Variants in CA10 observed in about 807,000 individuals in gnomAD.
CA10 encodes the protein carbonic anhydrase-related protein 10.
In CA10, 14 loss-of-function variants were observed where a neutral mutation model predicts 44.2. That is an observed-to-expected ratio of 0.32 (90% confidence interval 0.21 to 0.50). The LOEUF (loss-of-function observed/expected upper bound fraction) is 0.50. Ranked by LOEUF, CA10 falls within the 20% of genes least tolerant of loss-of-function variation. The pLI is 0.99. For synonymous variants in CA10, 159 were observed against 141.6 expected (o/e 1.12, Z -0.87); for missense variants, 350 against 409.7 (o/e 0.85, Z 1.26).
At chr17:51,733,882 A>G (rs1387264034) in intron 4 of CA10, among the ~76,000 whole-genome samples, 3 of 152,190 alleles carry the variant, frequency 2.0e-5, no homozygotes, top group South Asian at 4.1e-4. Flanking sequence ...TTAATTCTAC[A>G]AAGCAAAATG....
intron 3 of CA10, among the ~76,000 whole-genome samples, chr17:51,812,774 C>T (rs2143742561): frequency 6.6e-6 from 1 of 152,326 alleles, no homozygotes; most frequent in African/African-American, 2.4e-5. Context: ...CCCACCTGCT[C>T]TCAGGCTGAT....
chr17:51,675,804 T>C (rs1298240618), intron 4 of CA10, among the ~76,000 whole-genome samples: 1 of 152,108 alleles, frequency 6.6e-6, no homozygotes, highest in Non-Finnish European at 1.5e-5. Context: ...GTACTTGTGG[T>C]TTTTGCCATT....
intron 3 of CA10, among the ~76,000 whole-genome samples, chr17:51,861,009 C>T (rs1384339678): frequency 6.6e-6 from 1 of 152,186 alleles, no homozygotes; most frequent in Non-Finnish European, 1.5e-5. Flanking sequence ...AAATACCTTC[C>T]ATGCCATTTA....
chr17:52,113,008 C>A (rs530554792), intron 1 of CA10, among the ~76,000 whole-genome samples: 4 of 152,292 alleles, frequency 2.6e-5, no homozygotes, highest in African/African-American at 9.6e-5. Context: ...TTTCAAACCT[C>A]CTTCTTCTGT....
At chr17:51,774,214 A>C (rs1354679787) in intron 3 of CA10, among the ~76,000 whole-genome samples, 3 of 152,200 alleles carry the variant, frequency 2.0e-5, no homozygotes, top group African/African-American at 7.2e-5. Flanking sequence ...TTACTTTTTC[A>C]AAAGAGTTCA....
chr17:52,155,099 A>G (rs1989777723), intron 1 of CA10, among the ~76,000 whole-genome samples: 1 of 152,160 alleles, frequency 6.6e-6, no homozygotes, highest in African/African-American at 2.4e-5. Context: ...TCCTTCTGTA[A>G]AGTGTTTAGA....
At chr17:51,976,126 G>A (rs1488631856) in intron 2 of CA10, among the ~76,000 whole-genome samples, 1 of 152,136 alleles carries the variant, frequency 6.6e-6, no homozygotes, top group African/African-American at 2.4e-5. Context: ...AATCTTAAAT[G>A]TGCATTCATT....
intron 3 of CA10, among the ~76,000 whole-genome samples, chr17:51,897,252 T>C (rs1186720284): frequency 6.6e-6 from 1 of 152,138 alleles, no homozygotes; most frequent in African/African-American, 2.4e-5. Context: ...GATTTTTGTA[T>C]ATAAGTGAGG....
intron 3 of CA10, chr17:51,761,961 G>A (rs1905227275): frequency 6.6e-6 from 1 of 152,160 alleles, no homozygotes. Flanking sequence ...CTTTCTAGAA[G>A]CAAGCAACCA....
intron 2 of CA10, among the ~76,000 whole-genome samples, chr17:51,973,036 G>T (rs1649397189): frequency 6.6e-6 from 1 of 152,150 alleles, no homozygotes. Context: ...GCATTCTACA[G>T]GGTCTCAATC....
intron 1 of CA10, among the ~76,000 whole-genome samples, chr17:52,083,629 T>C (rs1484361956): frequency 6.6e-6 from 1 of 152,202 alleles, no homozygotes; most frequent in Non-Finnish European, 1.5e-5. Context: ...TATACATTTA[T>C]AGCTTATAGC....
intron 3 of CA10, among the ~76,000 whole-genome samples, chr17:51,755,461 G>A (rs1285495579): frequency 6.6e-6 from 1 of 152,174 alleles, no homozygotes; most frequent in Non-Finnish European, 1.5e-5. Context: ...TGCTTGATGT[G>A]ACACAAAGAT....
rs182942091 is a variant in CA10, at chr17:51,666,585, C to T, written c.466-12849G>A. On this transcript the variant is annotated intron_variant, in intron 4 of 8. Coordinates refer to ENST00000451037, the MANE Select transcript of CA10 (RefSeq NM_020178.5). ...GCCTGCCAACTTTCCCCTATTCCTG[C>T]CCTTCCAGAGCCTGCCCAGGTTCTT... is the stretch of plus-strand genomic sequence containing the variant. 1.2e-4 allele frequency among the ~76,000 whole-genome samples: 18 copies of T among 152,114 alleles called. No individual in the cohort carries two copies. In the East Asian group the frequency reaches 2.3e-3, roughly 20 times the overall value.
chr17:51,801,138 G>A (rs1417668336), intron 3 of CA10, among the ~76,000 whole-genome samples: 1 of 152,196 alleles, frequency 6.6e-6, no homozygotes, highest in Non-Finnish European at 1.5e-5. Flanking sequence ...GATGTGATGA[G>A]GATAAACAAG....
intron 6 of CA10, among the ~76,000 whole-genome samples, chr17:51,636,772 ATT>A (rs1491164994): frequency 2.5e-3 from 146 of 57,482 alleles, no homozygotes; most frequent in South Asian, 0.01. Flanking sequence ...ACAACTGATT[ATT>A]TTGTGTGTGT....
At chr17:51,803,386 C>T (rs2143723032) in intron 3 of CA10, among the ~76,000 whole-genome samples, 1 of 152,216 alleles carries the variant, frequency 6.6e-6, no homozygotes, top group South Asian at 2.1e-4. Flanking sequence ...TCCTGCATTC[C>T]TACATTCCAG....
intron 2 of CA10, among the ~76,000 whole-genome samples, chr17:52,012,492 AG>A (rs1985830990): frequency 6.6e-6 from 1 of 152,020 alleles, no homozygotes; most frequent in Admixed American, 6.6e-5. Flanking sequence ...TTATATGCAA[AG>A]GTCAAAGTTT....
At chr17:52,140,730 T>C (rs1362829623) in intron 1 of CA10, among the ~76,000 whole-genome samples, 4 of 152,032 alleles carry the variant, frequency 2.6e-5, no homozygotes, top group Admixed American at 2.6e-4. Flanking sequence ...GGACTGGGAG[T>C]CCAGCTCCTG....
rs113026292 is a variant in CA10, at chr17:51,971,130, G to C, written c.137-39998C>G. Among the ~76,000 whole-genome samples, 463 of 152,126 alleles carry C rather than the reference G, an allele frequency of 3.0e-3. 1 individual carries two copies. Among genetic ancestry groups the C allele is most frequent in the African/African-American group, 0.011 (444 of 41,552 alleles). On this transcript the variant is annotated intron_variant, in intron 2 of 8. Coordinates refer to ENST00000451037, the MANE Select transcript of CA10 (RefSeq NM_020178.5). ...TTCCATAAGCTAAAGATCTACAGCT[G>C]TTCATTAATTTCAGACCAACATTTT...
Sources: allele counts gnomAD v4.1 joint callset (sites outside exome capture counted in the v4.1 genomes callset), GRCh38; gene constraint gnomAD v4.1.1; transcripts MANE v1.5; gene names NCBI Gene and HGNC (gene_info 2026-07-23, HGNC 2026-07-21).